Variants in ZNF121 observed in about 807,000 individuals in gnomAD.
ZNF121 encodes zinc finger protein 121 (clone ZHC32).
In ZNF121, 1 loss-of-function variant was observed where a neutral mutation model predicts 2.4. That is an observed-to-expected ratio of 0.41 (90% CI 0.15 to 1.94). The LOEUF (loss-of-function observed/expected upper bound fraction) is 1.94. ZNF121 is among the 30% of genes most tolerant of loss of function. The pLI is 0.30. For missense variants in ZNF121, 369 were observed against 466.3 expected (o/e 0.79, Z 1.92); for synonymous variants, 173 against 158.6 (o/e 1.09, Z -0.68).
At position 9,566,165 on chromosome 19, in the gene ZNF121, G is replaced by A. The variant is rs1372154608; in HGVS notation, c.948C>T (p.Asp316=). 2 of 1,613,656 alleles carry A rather than the reference G, an allele frequency of 1.2e-6. No individual in the cohort carries two copies. Among genetic ancestry groups the A allele is most frequent in the African/African-American group, 2.7e-5 (2 of 74,796 alleles). The change falls in exon 4 of 4, where the codon GAC becomes GAT. Residue 316 remains aspartate (D), a synonymous_variant. Coordinates refer to ENST00000320451, the MANE Select transcript of ZNF121 (RefSeq NM_001008727.5). The stretch of plus-strand genomic sequence containing the variant: ...AAGATGTAGCAAAGGCTTTCCCACA[G>A]TCCTTACATTCATAGGGCTTCTCTC... ...HTGEKPYECK[D]CGKAFATSSQ... is the part of the protein sequence containing the mutation.
intron 2 of ZNF121, among the ~76,000 whole-genome samples, chr19:9,568,668 C>T (rs2074152035): frequency 6.6e-6 from 1 of 151,896 alleles, no homozygotes; most frequent in Non-Finnish European, 1.5e-5. Context: ...GCCACCATGC[C>T]CAGCAATTTA....
intron 1 of ZNF121, among the ~76,000 whole-genome samples, chr19:9,580,110 G>A (rs1018146124): frequency 1.3e-5 from 2 of 151,902 alleles, no homozygotes; most frequent in African/African-American, 4.8e-5. Context: ...GGCTAACACG[G>A]TGAAACCTCG....
chr19:9,573,715 A>C (rs539797244), intron 1 of ZNF121, among the ~76,000 whole-genome samples: 1 of 152,236 alleles, frequency 6.6e-6, no homozygotes, highest in Non-Finnish European at 1.5e-5. Flanking sequence ...TCAGACTCTC[A>C]AAGGTCAAGG....
At chr19:9,582,765 A>C (rs1279318175) in intron 1 of ZNF121, among the ~76,000 whole-genome samples, 7 of 151,730 alleles carry the variant, frequency 4.6e-5, no homozygotes, top group Admixed American at 1.3e-4. Context: ...AAAAAAAAAA[A>C]AACTACTAGA....
chr19:9,583,987 A>T (rs2074267629), intron 1 of ZNF121, among the ~76,000 whole-genome samples: 1 of 152,210 alleles, frequency 6.6e-6, no homozygotes, highest in Non-Finnish European at 1.5e-5. Flanking sequence ...TAAGAATAGG[A>T]CATCAATGCC....
At chr19:9,574,894 C>T (rs1471790309) in intron 1 of ZNF121, among the ~76,000 whole-genome samples, 4 of 151,962 alleles carry the variant, frequency 2.6e-5, no homozygotes, top group Non-Finnish European at 5.9e-5. Context: ...ATAAGTTTTG[C>T]TTCTAAAAAG....
intron 1 of ZNF121, among the ~76,000 whole-genome samples, chr19:9,574,802 T>A (rs942012407): frequency 1.9e-4 from 29 of 152,192 alleles, no homozygotes; most frequent in Admixed American, 1.8e-3. Flanking sequence ...TTAGGCTAAA[T>A]TGTGGGAGCT....
intron 1 of ZNF121, among the ~76,000 whole-genome samples, chr19:9,572,223 T>G (rs1292929464): frequency 3.9e-5 from 6 of 152,076 alleles, no homozygotes; most frequent in Admixed American, 3.9e-4. Flanking sequence ...AATATAAAAA[T>G]TAGGCAGTTT....
intron 1 of ZNF121, among the ~76,000 whole-genome samples, chr19:9,579,663 C>T (rs943473869): frequency 6.6e-6 from 1 of 151,826 alleles, no homozygotes; most frequent in African/African-American, 2.4e-5. Flanking sequence ...GAGACTCCGT[C>T]TCTAGAAAAA....
intron 1 of ZNF121, among the ~76,000 whole-genome samples, chr19:9,578,395 A>G (rs1225295661): frequency 6.7e-6 from 1 of 150,162 alleles, no homozygotes; most frequent in African/African-American, 2.4e-5. Flanking sequence ...CTTAGTCTCA[A>G]AAAAAAAAAG....
At chr19:9,568,879 C>G (rs553792763) in intron 2 of ZNF121, 123 bp downstream of exon 2, 1 of 152,318 alleles carries the variant, frequency 6.6e-6, no homozygotes, top group South Asian at 2.1e-4. Flanking sequence ...GTTGAAGATA[C>G]CCTAAAACTT....
Position 9,568,167 on chromosome 19 carries a change from CT to C in ZNF121, c.-71del. ...TGAGGTGCTGACACTTTGGTTTTAA[CT>C]TGCCATTCTGAAGTAAAACAGAAAA... On this transcript the variant is annotated 5_prime_UTR_variant, in exon 3 of 4. It removes the in-frame stop codon of an upstream open reading frame in the 5' UTR. Transcript: ENST00000320451. 2 of 1,458,920 alleles carry C rather than the reference CT, an allele frequency of 1.4e-6. No homozygotes were observed. Among genetic ancestry groups the C allele is most frequent in the Non-Finnish European group, 1.8e-6 (2 of 1,083,514 alleles). The allele number at this position is 1,458,920 out of a possible 1,614,324, so 90.4% of individuals were successfully genotyped here.
intron 1 of ZNF121, among the ~76,000 whole-genome samples, chr19:9,582,315 T>G (rs2074253403): frequency 6.6e-6 from 1 of 152,140 alleles, no homozygotes; most frequent in Non-Finnish European, 1.5e-5. Flanking sequence ...AATAGCTAGT[T>G]CCTGCCTTAA....
At chr19:9,575,574 C>A (rs1165517834) in intron 1 of ZNF121, among the ~76,000 whole-genome samples, 4 of 152,000 alleles carry the variant, frequency 2.6e-5, no homozygotes, top group Non-Finnish European at 1.5e-5. Flanking sequence ...AAAACTCCAT[C>A]TCTACTAAAA....
Position 9,565,736 on chromosome 19 carries a change from T to C in ZNF121, c.*204A>G, listed in dbSNP as rs970578094. 1.4e-5 allele frequency: 5 copies of C among 348,072 alleles called. No individual in the cohort carries two copies. The highest frequency in any genetic ancestry group is 4.6e-5 in the East Asian group (1 of 21,738). 21.6% of individuals were successfully genotyped at this position (348,072 alleles called of 1,614,324 possible). On this transcript the variant is annotated 3_prime_UTR_variant, in exon 4 of 4. Transcript: ENST00000320451. ...AATAAAATAATAAAAAAAGATTCCATTGGCTCCCTAACATTCCTAAAATTT... is the reference window on the plus strand; with the variant it reads ...AATAAAATAATAAAAAAAGATTCCACTGGCTCCCTAACATTCCTAAAATTT...
At position 9,566,943 on chromosome 19, in the gene ZNF121, G is replaced by A. The variant is rs552346869; in HGVS notation, c.170C>T (p.Ala57Val). Residue 57 changes from alanine (A) to valine (V), a missense_variant, in exon 4 of 4, where the codon GCT (alanine) becomes GTT (valine). Physicochemically the swap from Ala to Val is moderately conservative, Grantham distance 64 (BLOSUM62 0). Coordinates refer to ENST00000320451, the MANE Select transcript of ZNF121 (RefSeq NM_001008727.5). ...NFPMLHNSAPAGETLSVLNQC... is the reference protein window; with the variant it reads ...NFPMLHNSAPVGETLSVLNQC... ...ATTCAACACAGAAAGTGTCTCTCCA[G>A]CAGGGGCACTGTTGTGTAACATGGG... is the stretch of plus-strand genomic sequence containing the variant. The A allele has an allele frequency of 3.1e-6, 5 of 1,614,090 alleles. No homozygotes were observed. The highest frequency in any genetic ancestry group is 3.3e-4 in the Middle Eastern group (2 of 6,084).
rs764854055 is a variant in ZNF121 at position 9,566,760 on chromosome 19, T to C, written c.353A>G (p.Gln118Arg). The C allele has an allele frequency of 6.2e-6, 10 of 1,614,238 alleles. No homozygotes were observed. Among genetic ancestry groups the C allele is most frequent in the Non-Finnish European group, 8.5e-6 (10 of 1,180,042 alleles). The change falls in exon 4 of 4, where the codon CAG (glutamine) becomes CGG (arginine). Residue 118 changes from glutamine to arginine, a missense_variant. This residue lies in a region of ZNF121 where 168 missense variants were observed against 162.3 expected (regional missense o/e 1.03). Transcript: ENST00000320451. ...AGTAAAAGCTCTCCCACATTGCTTC[T>C]GTTCATAGAGTGTTTCTCCATTGTG... ...ITHNGETLYE[Q>R]KQCGRAFTYS...
chr19:9,577,215 G>A (rs538342792), intron 1 of ZNF121, among the ~76,000 whole-genome samples: 4 of 151,844 alleles, frequency 2.6e-5, no homozygotes, highest in East Asian at 1.9e-4. Context: ...AGGCTGAGGC[G>A]GGTGGATCAC....
At position 9,565,804 on chromosome 19, in the gene ZNF121, T is replaced by C; in HGVS notation, c.*136A>G. ...TATGAGTTCTTTCATGTCTTCGAAGTGAATGGGGATAACTGAAGGCCTCCT... is the reference window on the plus strand; with the variant it reads ...TATGAGTTCTTTCATGTCTTCGAAGCGAATGGGGATAACTGAAGGCCTCCT... On this transcript the variant is annotated 3_prime_UTR_variant, in exon 4 of 4. Coordinates refer to ENST00000320451, the MANE Select transcript of ZNF121 (RefSeq NM_001008727.5). 3.3e-6 allele frequency: 2 copies of C among 610,990 alleles called. No individual in the cohort carries two copies. The highest frequency in any genetic ancestry group is 2.7e-6 in the Non-Finnish European group (1 of 372,610). 37.8% of individuals were successfully genotyped at this position (610,990 alleles called of 1,614,324 possible). A position where few individuals can be genotyped will look rare whatever the true frequency, so the allele number is the denominator to read the frequency against.
Sources: gnomAD v4.1 joint callset for allele counts (sites outside exome capture counted in the v4.1 genomes callset) on GRCh38, gnomAD v4.1.1 for gene constraint, gnomAD v4.1.1 regional missense constraint, MANE v1.5 for transcripts, NCBI Gene and HGNC (gene_info 2026-07-23, HGNC 2026-07-21) for gene names.